Variants in MCM3AP observed in about 807,000 individuals in gnomAD.
MCM3AP encodes germinal-center associated nuclear protein.
In MCM3AP, 126 loss-of-function variants were observed where a neutral mutation model predicts 184.1. The ratio of observed to expected loss-of-function variants is 0.68; its 90% CI spans 0.59 to 0.79. The LOEUF is 0.79. MCM3AP is among the 30% of genes least tolerant of loss of function. The pLI, the probability that MCM3AP is intolerant of heterozygous loss-of-function variation, is 0.00. For synonymous variants in MCM3AP, 1,002 were observed against 979.3 expected (o/e 1.02, Z -0.43); for missense variants, 2,496 against 2,479.2 (o/e 1.01, Z -0.14).
chr21:46,278,004 AG>A (rs1569080026), intron 4 of MCM3AP, among the ~76,000 whole-genome samples: 1 of 152,226 alleles, frequency 6.6e-6, no homozygotes, highest in Non-Finnish European at 1.5e-5. Flanking sequence ...TTTAAAAATT[AG>A]CCGGGCATGG....
intron 26 of MCM3AP, among the ~76,000 whole-genome samples, chr21:46,237,262 C>T (rs1055258069): frequency 3.3e-5 from 5 of 151,832 alleles, no homozygotes; most frequent in Admixed American, 6.6e-5. Flanking sequence ...CCACTGTGCC[C>T]AGCTAATTTT....
chr21:46,280,648 T>G, intron 2 of MCM3AP, 73 bp from the exon 3 acceptor site: 2 of 1,011,618 alleles, frequency 2.0e-6, no homozygotes, highest in Non-Finnish European at 1.6e-6. Context: ...AAAACTCAAA[T>G]GCAGTAAGCA....
chr21:46,272,248 T>C (rs1218638969), intron 8 of MCM3AP, among the ~76,000 whole-genome samples: 2 of 152,220 alleles, frequency 1.3e-5, no homozygotes, highest in African/African-American at 4.8e-5. Flanking sequence ...GAACTCCCTC[T>C]CCTGGTTCAC....
In MCM3AP at chr21:46,243,431, A is replaced by G. The variant is rs1425074659; in HGVS notation, c.5296+34T>C. 3.9e-6 allele frequency: 6 copies of G among 1,555,368 alleles called. No homozygotes were observed. The South Asian group carries it at 6.2e-5, about 16-fold the overall frequency. ...GAAACTGGACCAGGAAAGTCTCGTG[A>G]GGAGCTGATCCCATTGCATCAAGCT... On this transcript the variant is annotated intron_variant, in intron 24 of 27. Transcript: ENST00000291688.
Position 46,246,423 on chromosome 21 carries a change from T to A in MCM3AP, c.4550-19A>T. 1 of 1,508,974 alleles carries A rather than the reference T, an allele frequency of 6.6e-7. No homozygotes were observed. Among genetic ancestry groups the A allele is most frequent in the South Asian group, 1.1e-5 (1 of 89,004 alleles). 93.5% of individuals were successfully genotyped at this position (1,508,974 alleles called of 1,614,324 possible). On this transcript the variant is annotated intron_variant, in intron 21 of 27. Coordinates refer to ENST00000291688, the MANE Select transcript of MCM3AP (RefSeq NM_003906.5). ...ATCAGACCTTTAAGACAGACATAGA[T>A]GAAGGTCACTTGCATTCTGCTGTCA... is the stretch of plus-strand genomic sequence containing the variant.
chr21:46,256,794 G>T lies in MCM3AP; in HGVS notation c.3927C>A (p.Cys1309Ter). Residue 1309 changes from cysteine (C) to a stop codon, truncating the protein, a stop_gained, in exon 17 of 28, where the codon TGC (cysteine) becomes TGA (stop). Coordinates refer to ENST00000291688, the MANE Select transcript of MCM3AP (RefSeq NM_003906.5). LOFTEE classifies it high-confidence loss of function. ...AGGCGACAGCTGATGCTGACCTGGT[G>T]CAGGAGATGCCCAATCTCCCTGCAT... The part of the protein sequence containing the change: ...LGHAGRLGIS[C>*]TRLRRLRNKT... 1 of 1,552,232 alleles carries T rather than the reference G, an allele frequency of 6.4e-7. No individual in the cohort carries two copies. Among genetic ancestry groups the T allele is most frequent in the Admixed American group, 2.0e-5 (1 of 51,174 alleles).
At chr21:46,254,343 C>T (rs1300147434) in intron 19 of MCM3AP, 49 bp downstream of exon 19, 1 of 1,610,998 alleles carries the variant, frequency 6.2e-7, no homozygotes, top group East Asian at 2.2e-5. Context: ...CAACCCTGCC[C>T]TGCCCACTCC....
intron 17 of MCM3AP, 139 bp downstream of exon 17, chr21:46,256,650 C>CTCGCCTCCAGGCTTCACCTATCT (rs1000957363): frequency 8.4e-6 from 9 of 1,075,128 alleles, no homozygotes; most frequent in Admixed American, 2.8e-5. Context: ...TGTGCCTGTC[C>CTCGCCTCCAGGCTTCACCTATCT]TCGCCTCCAG....
rs2080649709 is a variant in MCM3AP, at chr21:46,240,876, A to G, written c.5568T>C (p.Ser1856=). ...PSTEDLMRGA[S]AEELLAQCLS... is the part of the protein sequence containing the mutation. ...AACACTGCGCCAAGAGCTCCTCAGC[A>G]GAAGCTCCTCGCATCAGATCCTCTG... Residue 1856 remains serine, a synonymous_variant, in exon 26 of 28, where the codon TCT becomes TCC. Transcript: ENST00000291688. 4 of 1,614,248 alleles carry G rather than the reference A, an allele frequency of 2.5e-6. No homozygotes were observed. In the Middle Eastern group the frequency reaches 4.9e-4, roughly 200 times the overall value.
chr21:46,250,663 A>G (rs2080854447), intron 20 of MCM3AP: 1 of 152,216 alleles, frequency 6.6e-6, no homozygotes, highest in Non-Finnish European at 1.5e-5. Flanking sequence ...TGAGCTGGGA[A>G]GTAGATACCC....
chr21:46,244,997 C>T lies in MCM3AP; in HGVS notation c.4848G>A (p.Leu1616=), dbSNP rs746741225. The change falls in exon 23 of 28, where the codon CTG becomes CTA. Residue 1616 remains leucine (L), a synonymous_variant. Transcript: ENST00000291688. ...AGGACACCACAGAAGCCAGGAACTGCAGCACACTGTTAAACAGCTCAATGA... is the reference window on the plus strand; with the variant it reads ...AGGACACCACAGAAGCCAGGAACTGTAGCACACTGTTAAACAGCTCAATGA... ...GAIIELFNSV[L]QFLASVVSSE... 1.4e-5 allele frequency: 22 copies of T among 1,614,084 alleles called. No homozygotes were observed. The highest frequency in any genetic ancestry group is 1.8e-5 in the Non-Finnish European group (21 of 1,180,028).
rs1483807159 is a variant in MCM3AP, at chr21:46,275,242, T to C, written c.1942A>G (p.Met648Val). Residue 648 changes from methionine to valine, a missense_variant, in exon 6 of 28, where the codon ATG (methionine) becomes GTG (valine). This residue lies in a region of MCM3AP where 130 missense variants were observed against 199.8 expected (regional missense o/e 0.65). Transcript: ENST00000291688. ...LDMCPEKERY[M>V]RETRSQLSVF... ...CTCAGCTGGCTACGGGTCTCCCGCA[T>C]GTACCTCTCCTTCTCAGGACACATA... 2 of 1,614,150 alleles carry C rather than the reference T, an allele frequency of 1.2e-6. No homozygotes were observed. Among genetic ancestry groups the C allele is most frequent in the South Asian group, 1.1e-5 (1 of 91,066 alleles).
At chr21:46,274,248 T>C (rs1327677989) in intron 6 of MCM3AP, among the ~76,000 whole-genome samples, 1 of 152,242 alleles carries the variant, frequency 6.6e-6, no homozygotes, top group Non-Finnish European at 1.5e-5. Flanking sequence ...AAAGGATCTA[T>C]ATTGGTGCAG....
intron 24 of MCM3AP, 61 bp from the exon 25 acceptor site, chr21:46,242,992 AAAAAAAACACACAC>A (rs1411173277): frequency 4.1e-5 from 58 of 1,425,388 alleles, no homozygotes; most frequent in Non-Finnish European, 5.2e-5. Context: ...TCTCAAAAAA[AAAAAAAACACACAC>A]AAAAAAACAA....
intron 25 of MCM3AP, 97 bp from the exon 26 acceptor site, chr21:46,241,114 T>C: frequency 3.5e-6 from 3 of 867,538 alleles, no homozygotes; most frequent in Non-Finnish European, 5.6e-6. Context: ...TGCATTAACA[T>C]GTAAGAACAT....
intron 5 of MCM3AP, among the ~76,000 whole-genome samples, chr21:46,277,155 T>C (rs1782122897): frequency 1.3e-5 from 2 of 152,172 alleles, no homozygotes; most frequent in Admixed American, 1.3e-4. Context: ...AATACTTACT[T>C]TTTAGTAGGT....
chr21:46,243,891 G>A lies in MCM3AP; in HGVS notation c.5039-169C>T, dbSNP rs796343088. ...AAGAGCAGCTTGCTCCCAGGGTCTA[G>A]GTGAGGGATGCAGACAGTCCCCCTT... On this transcript the variant is annotated intron_variant, in intron 23 of 27. Transcript: ENST00000291688. 27 of 659,376 alleles carry A rather than the reference G, an allele frequency of 4.1e-5. No homozygotes were observed. The African/African-American group carries it at 4.4e-4, about 11-fold the overall frequency. 40.8% of individuals were successfully genotyped at this position (659,376 alleles called of 1,614,324 possible). A position where few individuals can be genotyped will look rare whatever the true frequency, so the allele number is the denominator to read the frequency against.
In MCM3AP at chr21:46,284,485, C is replaced by G. The variant is rs138315005; in HGVS notation, c.802G>C (p.Ala268Pro). The change falls in exon 1 of 28, where the codon GCA (alanine) becomes CCA (proline). Residue 268 changes from alanine (A) to proline (P), a missense_variant. By Grantham distance (27) the Ala-to-Pro change is conservative. Around this residue, in one of 5 missense-constraint regions of MCM3AP, gnomAD observed 800 missense variants for 717.1 expected, o/e 1.12. Coordinates refer to ENST00000291688, the MANE Select transcript of MCM3AP (RefSeq NM_003906.5). ...VLGEPFQASKAGVRQGCEEAV... is the reference protein window; with the variant it reads ...VLGEPFQASKPGVRQGCEEAV... The stretch of plus-strand genomic sequence containing the variant: ...TCTTCACACCCCTGCCTGACACCTG[C>G]TTTGCTAGCCTGGAAAGGTTCGCCC... The G allele has an allele frequency of 6.6e-5, 106 of 1,614,190 alleles. 3 individuals are homozygous for G. The East Asian group carries it at 6.7e-4, about 10-fold the overall frequency.
intron 1 of MCM3AP, 32 bp downstream of exon 1, chr21:46,284,036 T>C: frequency 6.3e-7 from 1 of 1,587,964 alleles, no homozygotes; most frequent in South Asian, 1.1e-5. Context: ...GCCTGCAGGA[T>C]TTACTCTATG....
Sources: gnomAD v4.1 joint callset for allele counts (sites outside exome capture counted in the v4.1 genomes callset) on GRCh38, gnomAD v4.1.1 for gene constraint, gnomAD v4.1.1 regional missense constraint, MANE v1.5 for transcripts, NCBI Gene and HGNC (gene_info 2026-07-23, HGNC 2026-07-21) for gene names.